XKR9: variants seen among roughly 807,000 people sequenced by gnomAD.
The protein encoded by XKR9 is XK-related protein 9.
XKR9 carries 32 observed loss-of-function variants against 32.0 expected under a neutral mutation model. The observed-to-expected ratio is 1.00, with a 90% CI of 0.76 to 1.34. The LOEUF is 1.34. Among genes scored for constraint, XKR9 ranks in the 40% most tolerant of loss-of-function variants. The probability of loss-of-function intolerance (pLI) is 0.00; values close to 1 mark genes in which losing one functional copy is unlikely to be tolerated. For synonymous variants in XKR9, 168 were observed against 143.4 expected (o/e 1.17, Z -1.22); for missense variants, 546 against 429.7 (o/e 1.27, Z -2.39).
intron 2 of XKR9, among the ~76,000 whole-genome samples, chr8:70,782,655 A>G (rs1226300850): frequency 1.3e-5 from 2 of 152,080 alleles, no homozygotes; most frequent in Non-Finnish European, 2.9e-5. Flanking sequence ...GATTTCACAT[A>G]TAAATGAGTA....
At chr8:70,712,320 A>G (rs1805945931) in intron 4 of XKR9, among the ~76,000 whole-genome samples, 1 of 152,140 alleles carries the variant, frequency 6.6e-6, no homozygotes, top group Non-Finnish European at 1.5e-5. Context: ...AAAACATAAC[A>G]TATCTGATAA....
chr8:70,803,003 C>T, the XKR9 span, among the ~76,000 whole-genome samples: 17 of 152,198 alleles, frequency 1.1e-4, no homozygotes, highest in South Asian at 4.1e-4. Context: ...GCTTCCCTAG[C>T]GAAGTTGGGG....
At chr8:70,754,519 A>T (rs931596325) in intron 2 of XKR9, among the ~76,000 whole-genome samples, 3 of 143,630 alleles carry the variant, frequency 2.1e-5, no homozygotes, top group Non-Finnish European at 4.6e-5. Context: ...AAACTATACT[A>T]TAAGGCTACA....
chr8:70,837,752 G>T, the XKR9 span, among the ~76,000 whole-genome samples: 1 of 152,066 alleles, frequency 6.6e-6, no homozygotes, highest in Non-Finnish European at 1.5e-5. Flanking sequence ...CTGGTAAATT[G>T]AGAGAGAAGC....
At chr8:70,882,318 T>TTA in the XKR9 span, among the ~76,000 whole-genome samples, 1 of 151,676 alleles carries the variant, frequency 6.6e-6, no homozygotes, top group Non-Finnish European at 1.5e-5. Flanking sequence ...TATAAAAAAA[T>TTA]TAAGGCATGT....
At chr8:70,824,878 A>G in the XKR9 span, among the ~76,000 whole-genome samples, 1 of 152,076 alleles carries the variant, frequency 6.6e-6, no homozygotes, top group Admixed American at 6.6e-5. Context: ...GATCCCAGAT[A>G]CAAGAACTCA....
chr8:70,683,061 G>T (rs1263020415), intron 3 of XKR9, among the ~76,000 whole-genome samples: 2 of 152,132 alleles, frequency 1.3e-5, no homozygotes, highest in Non-Finnish European at 2.9e-5. Context: ...CTCTTGTTCT[G>T]AGTAATAGAA....
chr8:70,712,613 G>A (rs1805956635), intron 4 of XKR9, among the ~76,000 whole-genome samples: 1 of 152,116 alleles, frequency 6.6e-6, no homozygotes. Flanking sequence ...GCAAGTAATA[G>A]TGTGTTGATG....
the XKR9 span, among the ~76,000 whole-genome samples, chr8:70,809,222 G>A: frequency 6.6e-6 from 1 of 152,200 alleles, no homozygotes; most frequent in African/African-American, 2.4e-5. Context: ...CAACAGACCT[G>A]CAGCTGAGGG....
At chr8:70,776,941 C>CTATATATATATATATA (rs1458539277) in intron 2 of XKR9, among the ~76,000 whole-genome samples, 1 of 31,456 alleles carries the variant, frequency 3.2e-5, no homozygotes, top group African/African-American at 1.7e-4. Context: ...CTCTCTCTCT[C>CTATATATATATATATA]TCTCTCTATA....
intron 3 of XKR9, among the ~76,000 whole-genome samples, chr8:70,694,251 C>T (rs972879909): frequency 1.3e-5 from 2 of 152,210 alleles, no homozygotes; most frequent in African/African-American, 4.8e-5. Flanking sequence ...TTGGCACCCA[C>T]TTAAAACAGT....
chr8:70,814,763 A>G, the XKR9 span, among the ~76,000 whole-genome samples: 2 of 152,360 alleles, frequency 1.3e-5, no homozygotes, highest in East Asian at 3.9e-4. Context: ...CTGGCAAAAG[A>G]AAGAAATAAG....
chr8:70,765,149 A>T (rs1235651521), intron 2 of XKR9, among the ~76,000 whole-genome samples: 1 of 152,180 alleles, frequency 6.6e-6, no homozygotes, highest in Non-Finnish European at 1.5e-5. Context: ...CTGGTTCTAG[A>T]TCCTTGAAGA....
chr8:70,947,629 G>A, the XKR9 span, among the ~76,000 whole-genome samples: 1 of 152,126 alleles, frequency 6.6e-6, no homozygotes, highest in Non-Finnish European at 1.5e-5. Flanking sequence ...CCAACAAAAT[G>A]GCACATTCAG....
the XKR9 span, among the ~76,000 whole-genome samples, chr8:70,924,989 A>T: frequency 2.0e-5 from 3 of 152,060 alleles, no homozygotes; most frequent in Non-Finnish European, 4.4e-5. Context: ...GCCCAAGTAA[A>T]TTTTCAGGGA....
the XKR9 span, among the ~76,000 whole-genome samples, chr8:70,930,989 A>C: frequency 1.3e-5 from 2 of 152,188 alleles, no homozygotes; most frequent in African/African-American, 2.4e-5. Context: ...GACCCAAGCC[A>C]GTTAGTTCCA....
At chr8:70,720,333 A>G (rs1563446845) in intron 4 of XKR9, among the ~76,000 whole-genome samples, 1 of 152,080 alleles carries the variant, frequency 6.6e-6, no homozygotes, top group African/African-American at 2.4e-5. Context: ...TTCCAATACT[A>G]TGTTGAATAG....
chr8:70,748,109 G>A (rs1282639808), intron 2 of XKR9, among the ~76,000 whole-genome samples: 2 of 152,172 alleles, frequency 1.3e-5, no homozygotes, highest in East Asian at 3.9e-4. Flanking sequence ...AAAAAATTTA[G>A]AATTATATTA....
intron 2 of XKR9, among the ~76,000 whole-genome samples, chr8:70,777,201 G>A (rs9771769): frequency 0.32 from 47,980 of 151,134 alleles, 8,977 homozygotes; most frequent in Non-Finnish European, 0.43. Context: ...GTGAAAACAT[G>A]TGGTGTTTGT....
Sources: gnomAD v4.1 joint callset for allele counts (sites outside exome capture counted in the v4.1 genomes callset) on GRCh38, gnomAD v4.1.1 for gene constraint, MANE v1.5 for transcripts, NCBI Gene and HGNC (gene_info 2026-07-23, HGNC 2026-07-21) for gene names.